The following STPG4 variants were observed in gnomAD, a reference collection of about 807,000 sequenced individuals.
STPG4 encodes protein STPG4.
In STPG4, 41 loss-of-function variants were observed where a neutral mutation model predicts 31.5. The observed-to-expected ratio is 1.30, with a 90% CI of 1.01 to 1.69. STPG4 has a LOEUF of 1.69. Among genes scored for constraint, STPG4 ranks in the 40% most tolerant of loss-of-function variants. STPG4 has a pLI of 0.00. For synonymous variants in STPG4, 141 were observed against 103.0 expected, an observed-to-expected ratio of 1.37 and a Z score of -2.24; for missense variants, 375 against 293.4, an observed-to-expected ratio of 1.28 and a Z score of -2.03.
At chr2:47,140,852 T>TGA (rs1686686904) in intron 3 of STPG4, among the ~76,000 whole-genome samples, 1 of 151,904 alleles carries the variant, frequency 6.6e-6, no homozygotes, top group Admixed American at 6.6e-5. Context: ...AATCATAAGG[T>TGA]GAATGCAGCC....
At chr2:47,097,384 G>A (rs1386759698) in intron 5 of STPG4, among the ~76,000 whole-genome samples, 2 of 152,086 alleles carry the variant, frequency 1.3e-5, no homozygotes, top group African/African-American at 2.4e-5. Context: ...GGATGCTGAT[G>A]TCCCCCCAAA....
chr2:47,135,375 A>G (rs1686574711), intron 3 of STPG4, among the ~76,000 whole-genome samples: 1 of 151,968 alleles, frequency 6.6e-6, no homozygotes, highest in Non-Finnish European at 1.5e-5. Flanking sequence ...CTGTGTCTAG[A>G]TTCTTTTCCT....
intron 5 of STPG4, among the ~76,000 whole-genome samples, chr2:47,112,062 T>C (rs1012356689): frequency 6.6e-6 from 1 of 151,948 alleles, no homozygotes; most frequent in African/African-American, 2.4e-5. Context: ...AAATTCAAAC[T>C]TAATGTACTT....
chr2:47,113,303 T>C (rs1329054918), intron 5 of STPG4, among the ~76,000 whole-genome samples: 1 of 152,182 alleles, frequency 6.6e-6, no homozygotes, highest in Non-Finnish European at 1.5e-5. Flanking sequence ...GAAAAATCCC[T>C]GAAAAACTTC....
chr2:47,154,476 C>T (rs1369177687), intron 1 of STPG4, among the ~76,000 whole-genome samples: 1 of 152,226 alleles, frequency 6.6e-6, no homozygotes, highest in African/African-American at 2.4e-5. Flanking sequence ...TTGCCCAAGA[C>T]AGGTGATCTA....
At chr2:47,119,440 C>A (rs1266434479) in intron 5 of STPG4, among the ~76,000 whole-genome samples, 1 of 152,180 alleles carries the variant, frequency 6.6e-6, no homozygotes, top group Non-Finnish European at 1.5e-5. Context: ...AATCAACTAC[C>A]TTCTGCTATT....
chr2:47,151,919 GTT>G (rs71245620), intron 2 of STPG4, among the ~76,000 whole-genome samples: 2,393 of 74,784 alleles, frequency 0.032, 66 homozygotes, highest in African/African-American at 0.067. Flanking sequence ...TTTTTGTTTT[GTT>G]TTTTTTTTTT....
intron 5 of STPG4, among the ~76,000 whole-genome samples, chr2:47,101,053 G>A (rs565758062): frequency 1.3e-5 from 2 of 151,848 alleles, no homozygotes; most frequent in East Asian, 1.9e-4. Flanking sequence ...GACCATCGCC[G>A]AGCAATGAGA....
At chr2:47,149,134 A>G (rs815812) in intron 3 of STPG4, among the ~76,000 whole-genome samples, 44,559 of 152,066 alleles carry the variant, frequency 0.29, 6,707 homozygotes, top group South Asian at 0.31. Flanking sequence ...GAAAATTAGA[A>G]AAACACTGAA....
At chr2:47,143,732 C>A (rs546843264) in intron 3 of STPG4, among the ~76,000 whole-genome samples, 6 of 152,226 alleles carry the variant, frequency 3.9e-5, no homozygotes, top group African/African-American at 1.4e-4. Context: ...TCATGATCCG[C>A]CTGCCTCGGC....
At chr2:47,115,715 C>T (rs1686138699) in intron 5 of STPG4, among the ~76,000 whole-genome samples, 2 of 143,454 alleles carry the variant, frequency 1.4e-5, no homozygotes, top group Non-Finnish European at 3.0e-5. Context: ...TGCAATGACG[C>T]GATCTCGGCT....
intron 5 of STPG4, among the ~76,000 whole-genome samples, chr2:47,115,949 C>A (rs114647848): frequency 6.6e-6 from 1 of 152,142 alleles, no homozygotes; most frequent in African/African-American, 2.4e-5. Flanking sequence ...CCACCAGGCC[C>A]GACCTAAAGG....
chr2:47,128,616 G>A (rs1404011320), intron 5 of STPG4, among the ~76,000 whole-genome samples: 1 of 152,070 alleles, frequency 6.6e-6, no homozygotes, highest in Admixed American at 6.5e-5. Flanking sequence ...TACCACTAAT[G>A]TTCACTCAAG....
rs138917923 is a variant in STPG4 at position 47,120,250 on chromosome 2, G to C, written c.519+9691C>G. Among the ~76,000 whole-genome samples, 1,112 of 152,314 alleles carry C rather than the reference G, an allele frequency of 7.3e-3. 14 individuals are homozygous for C. The highest frequency in any genetic ancestry group is 0.026 in the African/African-American group (1,067 of 41,558). ...GGAGGCTGAGGCAGGAGAATCACTT[G>C]AACCCGGGAGGTGGAGGTTGCAGTG... On this transcript the variant is annotated intron_variant, in intron 5 of 6. Transcript: ENST00000445927.
intron 3 of STPG4, among the ~76,000 whole-genome samples, chr2:47,136,290 C>T (rs143951338): frequency 0.016 from 2,450 of 152,068 alleles, 66 homozygotes; most frequent in African/African-American, 0.056. Flanking sequence ...GGGTTATGGG[C>T]GCCTGCCACC....
intron 3 of STPG4, among the ~76,000 whole-genome samples, chr2:47,134,217 C>G (rs532838395): frequency 6.6e-6 from 1 of 152,294 alleles, no homozygotes; most frequent in African/African-American, 2.4e-5. Context: ...ATCATTATCA[C>G]TCAAAGTCCA....
chr2:47,144,728 TTTTTTTG>T (rs1478354761), intron 3 of STPG4, among the ~76,000 whole-genome samples: 1 of 149,446 alleles, frequency 6.7e-6, no homozygotes, highest in African/African-American at 2.5e-5. Context: ...AACAAAAGAG[TTTTTTTG>T]TTTTTTGTTT....
chr2:47,129,758 A>G, intron 5 of STPG4, 183 bp downstream of exon 5: 1 of 655,450 alleles, frequency 1.5e-6, no homozygotes, highest in Non-Finnish European at 2.5e-6. Flanking sequence ...TTGCGATCCC[A>G]CACTTGCTTT....
At chr2:47,089,958 C>T (rs1685536128) in intron 6 of STPG4, among the ~76,000 whole-genome samples, 2 of 152,176 alleles carry the variant, frequency 1.3e-5, no homozygotes, top group African/African-American at 4.8e-5. Context: ...ACTGCAGGTA[C>T]CCCCAACAAA....
Sources: allele counts gnomAD v4.1 joint callset (sites outside exome capture counted in the v4.1 genomes callset), GRCh38; gene constraint gnomAD v4.1.1; transcripts MANE v1.5; gene names NCBI Gene and HGNC (gene_info 2026-07-23, HGNC 2026-07-21).